The following TESK1 variants were observed in gnomAD, a reference collection of about 807,000 sequenced individuals.
TESK1 encodes testis associated actin remodelling kinase 1, also known as dual specificity testis-specific protein kinase 1.
In TESK1, 18 loss-of-function variants were observed where a neutral mutation model predicts 59.9. The observed-to-expected ratio is 0.30, with a 90% CI of 0.21 to 0.45. TESK1 has a LOEUF of 0.45. Ranked by LOEUF, TESK1 falls within the 20% of genes least tolerant of loss-of-function variation. The pLI is 1.00. For missense variants in TESK1, 748 were observed against 840.9 expected, an observed-to-expected ratio of 0.89 and a Z score of 1.37; for synonymous variants, 341 against 357.4, an observed-to-expected ratio of 0.95 and a Z score of 0.52.
At position 35,607,888 on chromosome 9, in the gene TESK1, C is replaced by T; in HGVS notation, c.712-40C>T. 1 of 1,603,278 alleles carries T rather than the reference C, an allele frequency of 6.2e-7. No individual in the cohort carries two copies. The highest frequency in any genetic ancestry group is 8.5e-7 in the Non-Finnish European group (1 of 1,172,762). On this transcript the variant is annotated intron_variant, in intron 6 of 9. Transcript: ENST00000336395. This position sits in a 1 kb window ranked among gnomAD's most constrained non-coding sequence, Gnocchi z 4.5. The stretch of plus-strand genomic sequence containing the variant: ...TTCTGTCAAAATTCTGAAATGAAAA[C>T]TGTTAATTCTTCCCCGACACTATTA...
rs534564134 is a variant in TESK1, at chr9:35,606,708, G to T, written c.391-129G>T. The stretch of plus-strand genomic sequence containing the variant: ...GGCAATCCTAGAACATGGATGGGGG[G>T]GGTCCTACAGCACAGTCTTACCCCT... On this transcript the variant is annotated intron_variant, in intron 3 of 9. Transcript: ENST00000336395. 103 of 803,594 alleles carry T rather than the reference G, an allele frequency of 1.3e-4. 1 individual carries two copies. The East Asian group carries it at 2.6e-3, about 20-fold the overall frequency. The allele number at this position is 803,594 out of a possible 1,614,324, so 49.8% of individuals were successfully genotyped here.
rs142090865 is a variant in TESK1 at position 35,609,188 on chromosome 9, G to A, written c.1327G>A (p.Glu443Lys). 1.2e-5 allele frequency: 19 copies of A among 1,613,396 alleles called. No homozygotes were observed. The East Asian group carries it at 2.7e-4, about 23-fold the overall frequency. Residue 443 changes from glutamate to lysine, a missense_variant, in exon 10 of 10, where the codon GAG (glutamate) becomes AAG (lysine). Transcript: ENST00000336395. The surrounding 1 kb of genome is among the most constrained non-coding windows in gnomAD (Gnocchi z 6.7). ...RRCRSLPSSP[E>K]LPRRMETALP... ...CTGCCGCTCACTACCCTCATCCCCC[G>A]AGCTCCCCCGCCGTATGGAGACAGC...
At chr9:35,606,653 C>T (rs948748832) in intron 3 of TESK1, among the ~76,000 whole-genome samples, 184 bp from the exon 4 acceptor site, 1 of 151,998 alleles carries the variant, frequency 6.6e-6, no homozygotes, top group African/African-American at 2.4e-5. Flanking sequence ...TAAATTGTTG[C>T]ACATGGCTAA....
In TESK1 at chr9:35,606,103, A is replaced by G; in HGVS notation, c.339A>G (p.Leu113=). 6.2e-7 allele frequency: 1 copy of G among 1,614,088 alleles called. No individual in the cohort carries two copies. Among genetic ancestry groups the G allele is most frequent in the Non-Finnish European group, 8.5e-7 (1 of 1,179,980 alleles). The stretch of plus-strand genomic sequence containing the variant: ...ACCGGCTCAGGCACCCCAACATCCT[A>G]AGGTGAGCGGCCCCAGTCTCTGGGC... ...LMNRLRHPNI[L]RFMGVCVHQG... The change falls in exon 2 of 10, where the codon CTA becomes CTG. Residue 113 remains leucine (L), a splice_region_variant and synonymous_variant. Coordinates refer to ENST00000336395, the MANE Select transcript of TESK1 (RefSeq NM_006285.3).
At position 35,608,922 on chromosome 9, in the gene TESK1, G is replaced by A. The variant is rs774298505; in HGVS notation, c.1061G>A (p.Arg354Gln). ...CCCAGGCCAGATCCCCGGCTTTCCC[G>A]AAGCCGGTCAGACCTCTTCCTGCCC... Reference protein sequence around the residue: ...TLPRPDPRLSRSRSDLFLPPS... With the variant: ...TLPRPDPRLSQSRSDLFLPPS... Residue 354 changes from arginine (R) to glutamine (Q), a missense_variant, in exon 10 of 10, where the codon CGA (arginine) becomes CAA (glutamine). This residue lies in a region of TESK1 where 447 missense variants were observed against 466.1 expected (regional missense o/e 0.96). Coordinates refer to ENST00000336395, the MANE Select transcript of TESK1 (RefSeq NM_006285.3). 17 of 1,613,040 alleles carry A rather than the reference G, an allele frequency of 1.1e-5. No homozygotes were observed. Among genetic ancestry groups the A allele is most frequent in the Non-Finnish European group, 1.4e-5 (16 of 1,179,430 alleles).
In TESK1 at chr9:35,606,274, G is replaced by A; in HGVS notation, c.379G>A (p.Ala127Thr). The change falls in exon 3 of 10, where the codon GCT (alanine) becomes ACT (threonine). Residue 127 changes from alanine (A) to threonine (T), a missense_variant. Coordinates refer to ENST00000336395, the MANE Select transcript of TESK1 (RefSeq NM_006285.3). ...GVCVHQGQLH[A>T]LTEYMNGGTL... ...CTGTGTGCACCAGGGACAGCTGCAC[G>A]CTCTTACAGAGGTGAGGATAGGCCA... 6.2e-7 allele frequency: 1 copy of A among 1,614,042 alleles called. No homozygotes were observed. Among genetic ancestry groups the A allele is most frequent in the Non-Finnish European group, 8.5e-7 (1 of 1,180,014 alleles).
chr9:35,608,476 C>T lies in TESK1; in HGVS notation c.967C>T (p.Pro323Ser). 9 of 1,614,162 alleles carry T rather than the reference C, an allele frequency of 5.6e-6. No individual in the cohort carries two copies. The highest frequency in any genetic ancestry group is 1.3e-5 in the African/African-American group (1 of 75,046). ...CCTGGAGCAGCTGCCTGAGCCAGCC[C>T]CACTCACCAGGACCGCCCTGACACA... ...WILEQLPEPA[P>S]LTRTALTHNQ... Residue 323 changes from proline to serine, a missense_variant, in exon 9 of 10, where the codon CCA (proline) becomes TCA (serine). Coordinates refer to ENST00000336395, the MANE Select transcript of TESK1 (RefSeq NM_006285.3).
rs779683002 is a variant in TESK1, at chr9:35,607,882, T to C, written c.712-46T>C. Reference sequence around the variant, plus strand: ...GCTATATTCTGTCAAAATTCTGAAATGAAAACTGTTAATTCTTCCCCGACA... The same window carrying C: ...GCTATATTCTGTCAAAATTCTGAAACGAAAACTGTTAATTCTTCCCCGACA... On this transcript the variant is annotated intron_variant, in intron 6 of 9. Coordinates refer to ENST00000336395, the MANE Select transcript of TESK1 (RefSeq NM_006285.3). The surrounding 1 kb of genome is among the most constrained non-coding windows in gnomAD (Gnocchi z 4.5). 5.6e-6 allele frequency: 9 copies of C among 1,601,770 alleles called. No homozygotes were observed. The highest frequency in any genetic ancestry group is 7.7e-6 in the Non-Finnish European group (9 of 1,172,080).
At chr9:35,606,808 T>G in intron 3 of TESK1, 29 bp from the exon 4 acceptor site, 1 of 1,572,952 alleles carries the variant, frequency 6.4e-7, no homozygotes, top group African/African-American at 1.4e-5. Context: ...AAGTCTGACA[T>G]CTATTCCCAT....
intron 3 of TESK1, 138 bp downstream of exon 3, chr9:35,606,423 T>C (rs185447223): frequency 3.2e-5 from 32 of 1,006,962 alleles, no homozygotes; most frequent in Non-Finnish European, 4.4e-5. Context: ...TCCTGAACTT[T>C]CCTTTAGGCA....
At position 35,607,342 on chromosome 9, in the gene TESK1, C is replaced by T. The variant is rs184069844; in HGVS notation, c.553C>T (p.Arg185Trp). ...TGTGTGTCAGAACTGTCTAGTCCGA[C>T]GGGAAGATCGAGGCTTCACCGCTGT... ...DLTSKNCLVR[R>W]EDRGFTAVVG... The change falls in exon 5 of 10, where the codon CGG (arginine) becomes TGG (tryptophan). Residue 185 changes from arginine to tryptophan, a missense_variant. Physicochemically the swap from Arg to Trp is moderately radical, Grantham distance 101. Coordinates refer to ENST00000336395, the MANE Select transcript of TESK1 (RefSeq NM_006285.3). The surrounding 1 kb of genome is among the most constrained non-coding windows in gnomAD (Gnocchi z 4.5). The T allele has an allele frequency of 3.7e-6, 6 of 1,614,102 alleles. No homozygotes were observed. Among genetic ancestry groups the T allele is most frequent in the Admixed American group, 3.3e-5 (2 of 60,022 alleles).
chr9:35,606,373 A>C lies in TESK1; in HGVS notation c.390+88A>C. ...AACAGGCCTGGTGGATCTACGGAGG[A>C]CTAGTGAGAGGCAACAGGATCTCCT... On this transcript the variant is annotated intron_variant, in intron 3 of 9. Coordinates refer to ENST00000336395, the MANE Select transcript of TESK1 (RefSeq NM_006285.3). 16 of 1,519,368 alleles carry C rather than the reference A, an allele frequency of 1.1e-5. 1 individual carries two copies. The South Asian group carries it at 1.8e-4, about 17-fold the overall frequency. The allele number at this position is 1,519,368 out of a possible 1,614,324, so 94.1% of individuals were successfully genotyped here.
Position 35,606,949 on chromosome 9 carries a change from C to G in TESK1, c.503C>G (p.Ser168Cys). 1 of 1,609,832 alleles carries G rather than the reference C, an allele frequency of 6.2e-7. No individual in the cohort carries two copies. The highest frequency in any genetic ancestry group is 8.5e-7 in the Non-Finnish European group (1 of 1,177,970). Residue 168 changes from serine (S) to cysteine (C), a missense_variant, in exon 4 of 10, where the codon TCC becomes TGC. By Grantham distance (112) the Ser-to-Cys change is moderately radical. Coordinates refer to ENST00000336395, the MANE Select transcript of TESK1 (RefSeq NM_006285.3). ...GCCCGAGGCCTGCGGTACCTGCACTCCAAAGGTGTATTTCACCGCGACCTC... is the reference window on the plus strand; with the variant it reads ...GCCCGAGGCCTGCGGTACCTGCACTGCAAAGGTGTATTTCACCGCGACCTC... ...DIARGLRYLH[S>C]KGVFHRDLTS...
In TESK1 at chr9:35,607,873, A is replaced by G; in HGVS notation, c.712-55A>G. The G allele has an allele frequency of 6.3e-7, 1 of 1,596,854 alleles. No individual in the cohort carries two copies. On this transcript the variant is annotated intron_variant, in intron 6 of 9. Transcript: ENST00000336395. This position sits in a 1 kb window ranked among gnomAD's most constrained non-coding sequence, Gnocchi z 4.5. ...CCAAATTCTGCTATATTCTGTCAAA[A>G]TTCTGAAATGAAAACTGTTAATTCT...
In TESK1 at chr9:35,608,144, CCTT is replaced by C. The variant is rs770405488; in HGVS notation, c.796-13_796-11del. On this transcript the variant is annotated splice_polypyrimidine_tract_variant and intron_variant, in intron 7 of 9. Transcript: ENST00000336395. ...AAGAAAAGCTGACTTGGAGGTCCCT[CCTT>C]CTGTCCCCACAGGACTTTGGCCTGG... is the stretch of plus-strand genomic sequence containing the variant. 4 of 1,613,946 alleles carry C rather than the reference CCTT, an allele frequency of 2.5e-6. No individual in the cohort carries two copies. The highest frequency in any genetic ancestry group is 1.7e-5 in the Admixed American group (1 of 60,010).
Position 35,607,569 on chromosome 9 carries a change from C to G in TESK1, c.621-13C>G, listed in dbSNP as rs1822875014. On this transcript the variant is annotated splice_polypyrimidine_tract_variant and intron_variant, in intron 5 of 9. Coordinates refer to ENST00000336395, the MANE Select transcript of TESK1 (RefSeq NM_006285.3). The surrounding 1 kb of genome is among the most constrained non-coding windows in gnomAD (Gnocchi z 4.5). ...ATAGGATGCTTCTGACCACTCTGCC[C>G]CTGCCCCTGCAGGGAGGGGGCAAGG... 1 of 1,610,298 alleles carries G rather than the reference C, an allele frequency of 6.2e-7. No homozygotes were observed. Among genetic ancestry groups the G allele is most frequent in the Non-Finnish European group, 8.5e-7 (1 of 1,176,762 alleles).
chr9:35,606,469 C>G (rs1822851590), intron 3 of TESK1, among the ~76,000 whole-genome samples, 184 bp downstream of exon 3: 1 of 152,190 alleles, frequency 6.6e-6, no homozygotes, highest in Non-Finnish European at 1.5e-5. Flanking sequence ...GTCTTATTCT[C>G]TGTATCCCCT....
At position 35,609,562 on chromosome 9, in the gene TESK1, C is replaced by T. The variant is rs1563892955; in HGVS notation, c.1701C>T (p.Pro567=). The part of the protein sequence containing the change: ...SAPREPDEGL[P]CPGCCLGPFS... ...CCCGGGAGCCCGATGAGGGGCTGCC[C>T]TGTCCTGGCTGCTGCCTCGGCCCCT... Residue 567 remains proline, a synonymous_variant, in exon 10 of 10, where the codon CCC becomes CCT. Transcript: ENST00000336395. The surrounding 1 kb of genome is among the most constrained non-coding windows in gnomAD (Gnocchi z 6.7). 1 of 1,613,584 alleles carries T rather than the reference C, an allele frequency of 6.2e-7. No individual in the cohort carries two copies. Among genetic ancestry groups the T allele is most frequent in the East Asian group, 2.2e-5 (1 of 44,870 alleles).
In TESK1 at chr9:35,607,914, T is replaced by C; in HGVS notation, c.712-14T>C. Reference sequence around the variant, plus strand: ...TGTTAATTCTTCCCCGACACTATTATCTCTGACCCCCAGGCTGATGTCTTT... The same window carrying C: ...TGTTAATTCTTCCCCGACACTATTACCTCTGACCCCCAGGCTGATGTCTTT... On this transcript the variant is annotated splice_polypyrimidine_tract_variant and intron_variant, in intron 6 of 9. Transcript: ENST00000336395. This position sits in a 1 kb window ranked among gnomAD's most constrained non-coding sequence, Gnocchi z 4.5. 1 of 1,613,472 alleles carries C rather than the reference T, an allele frequency of 6.2e-7. No homozygotes were observed. Among genetic ancestry groups the C allele is most frequent in the African/African-American group, 1.3e-5 (1 of 75,026 alleles).
Sources: gnomAD v4.1 joint callset for allele counts (sites outside exome capture counted in the v4.1 genomes callset) on GRCh38, gnomAD v4.1.1 for gene constraint, gnomAD v4.1.1 regional missense constraint, Gnocchi (gnomAD v3.1) non-coding constraint, MANE v1.5 for transcripts, NCBI Gene and HGNC (gene_info 2026-07-23, HGNC 2026-07-21) for gene names.